The following SPTBN4 variants were observed in gnomAD, a reference collection of about 807,000 sequenced individuals.
SPTBN4 encodes the protein spectrin beta, non-erythrocytic 4.
In SPTBN4, 96 loss-of-function variants were observed where a neutral mutation model predicts 277.8. That is an observed-to-expected ratio of 0.35 (90% CI 0.29 to 0.41). The LOEUF is 0.41. Ranked by LOEUF, SPTBN4 falls within the 10% of genes least tolerant of loss-of-function variation. The pLI, the probability that SPTBN4 is intolerant of heterozygous loss-of-function variation, is 1.00. For synonymous variants in SPTBN4, 1,481 were observed against 1,580.3 expected, an observed-to-expected ratio of 0.94 and a Z score of 1.49; for missense variants, 3,006 against 3,595.7, an observed-to-expected ratio of 0.84 and a Z score of 4.19.
chr19:40,554,805 G>C lies in SPTBN4; in HGVS notation c.5084+159G>C. On this transcript the variant is annotated intron_variant, in intron 24 of 35. Transcript: ENST00000598249. This position sits in a 1 kb window ranked among gnomAD's most constrained non-coding sequence, Gnocchi z 5.7. ...TTTGGCAAGTGGGCGGGCCGGAATG[G>C]GGGGACACGGCTCAGGGATGGTTGA... 1 of 1,119,858 alleles carries C rather than the reference G, an allele frequency of 8.9e-7. No individual in the cohort carries two copies. The highest frequency in any genetic ancestry group is 1.3e-6 in the Non-Finnish European group (1 of 780,428). The allele number at this position is 1,119,858 out of a possible 1,614,324, so 69.4% of individuals were successfully genotyped here. A position where few individuals can be genotyped will look rare whatever the true frequency, so the allele number is the denominator to read the frequency against.
chr19:40,479,792 A>G (rs753096284), intron 2 of SPTBN4, among the ~76,000 whole-genome samples: 15 of 150,746 alleles, frequency 1.0e-4, no homozygotes, highest in Admixed American at 7.3e-4. Context: ...TCTTGTAACC[A>G]GCACCCATAT....
chr19:40,503,181 C>A (rs1015946124), intron 11 of SPTBN4, among the ~76,000 whole-genome samples: 2 of 149,140 alleles, frequency 1.3e-5, no homozygotes, highest in Non-Finnish European at 3.0e-5. Context: ...GGGCAGAATT[C>A]ATCTTTTCAG....
intron 31 of SPTBN4, among the ~76,000 whole-genome samples, chr19:40,569,009 C>A (rs545936363): frequency 6.6e-6 from 1 of 152,224 alleles, no homozygotes; most frequent in African/African-American, 2.4e-5. Flanking sequence ...TTGGGAAAAA[C>A]AGGCTTGTCA....
At chr19:40,538,780 G>A (rs954317919) in intron 20 of SPTBN4, among the ~76,000 whole-genome samples, 1 of 152,104 alleles carries the variant, frequency 6.6e-6, no homozygotes, top group Non-Finnish European at 1.5e-5. Context: ...ATAGAGACGG[G>A]GGCCTCACTG....
At chr19:40,567,060 T>C (rs1257580495) in intron 30 of SPTBN4, 1 of 449,124 alleles carries the variant, frequency 2.2e-6, no homozygotes, top group South Asian at 1.6e-5. Context: ...GGCGGGAGGA[T>C]CACTTGAACC....
In SPTBN4 at chr19:40,570,483, C is replaced by G. The variant is rs761539317; in HGVS notation, c.7074C>G (p.Asn2358Lys). 1.3e-6 allele frequency: 2 copies of G among 1,556,116 alleles called. No individual in the cohort carries two copies. The highest frequency in any genetic ancestry group is 1.7e-6 in the Non-Finnish European group (2 of 1,160,310). The change falls in exon 33 of 36, where the codon AAC (asparagine) becomes AAG (lysine). Residue 2358 changes from asparagine to lysine, a missense_variant. Physicochemically the swap from Asn to Lys is moderately conservative, Grantham distance 94. This residue lies in a region of SPTBN4 where 630 missense variants were observed against 677.6 expected (regional missense o/e 0.93). Transcript: ENST00000598249. ...PRELPPGRLPNGLELPERTPR... is the reference protein window; with the variant it reads ...PRELPPGRLPKGLELPERTPR... Reference sequence around the variant, plus strand: ...AGCTTCCCCCAGGTCGCCTGCCCAACGGGCTTGAGCTGCCCGAGCGGACAC... The same window carrying G: ...AGCTTCCCCCAGGTCGCCTGCCCAAGGGGCTTGAGCTGCCCGAGCGGACAC...
intron 1 of SPTBN4, among the ~76,000 whole-genome samples, chr19:40,467,867 G>A (rs1264790603): frequency 6.6e-6 from 1 of 152,100 alleles, no homozygotes; most frequent in African/African-American, 2.4e-5. Flanking sequence ...AAAGATACTC[G>A]GTTAAAGATA....
chr19:40,571,718 A>G (rs886269522), intron 33 of SPTBN4: 1 of 273,958 alleles, frequency 3.7e-6, no homozygotes, highest in Non-Finnish European at 6.8e-6. Context: ...GGGAGGATTG[A>G]GTGGAGCAAA....
intron 3 of SPTBN4, 106 bp downstream of exon 3, chr19:40,487,954 G>A: frequency 6.8e-6 from 9 of 1,321,738 alleles, no homozygotes; most frequent in Non-Finnish European, 9.0e-6. Flanking sequence ...TGGCTCATGG[G>A]CGAGTGGAAC....
rs965743384 is a variant in SPTBN4, at chr19:40,490,326, C to A, written c.495+78C>A. ...GTTCCCCACCATTTACCCATTCATT[C>A]TTTCCTTCCAATAATATCCTAATAT... On this transcript the variant is annotated intron_variant, in intron 4 of 35. Coordinates refer to ENST00000598249, the MANE Select transcript of SPTBN4 (RefSeq NM_020971.3). This position sits in a 1 kb window ranked among gnomAD's most constrained non-coding sequence, Gnocchi z 4.3. The A allele has an allele frequency of 1.3e-6, 2 of 1,489,898 alleles. No homozygotes were observed. The highest frequency in any genetic ancestry group is 2.2e-5 in the Admixed American group (1 of 44,618). 92.3% of individuals were successfully genotyped at this position (1,489,898 alleles called of 1,614,324 possible). A position where few individuals can be genotyped will look rare whatever the true frequency, so the allele number is the denominator to read the frequency against.
chr19:40,570,947 TG>T (rs2081151079), intron 33 of SPTBN4: 3 of 374,810 alleles, frequency 8.0e-6, no homozygotes, highest in Non-Finnish European at 1.4e-5. Flanking sequence ...CTCCAACCCG[TG>T]GGGGTAGTAG....
intron 15 of SPTBN4, among the ~76,000 whole-genome samples, chr19:40,517,329 G>A (rs931498611): frequency 6.0e-5 from 9 of 148,812 alleles, no homozygotes; most frequent in African/African-American, 1.2e-4. Context: ...TTGCTCTTTC[G>A]CCCAGACTGG....
chr19:40,495,122 T>C, intron 6 of SPTBN4, 145 bp downstream of exon 6: 1 of 729,410 alleles, frequency 1.4e-6, no homozygotes, highest in East Asian at 2.7e-5. Flanking sequence ...ACAGTTTTCT[T>C]TCCCTTCACA....
chr19:40,529,153 G>C, intron 18 of SPTBN4, 22 bp downstream of exon 18: 1 of 1,607,900 alleles, frequency 6.2e-7, no homozygotes, highest in Non-Finnish European at 8.5e-7. Context: ...AGGTGTGCTG[G>C]GGACGGAGAC....
chr19:40,515,359 G>A lies in SPTBN4; in HGVS notation c.2814G>A (p.Leu938=). 1 of 1,610,576 alleles carries A rather than the reference G, an allele frequency of 6.2e-7. No individual in the cohort carries two copies. The highest frequency in any genetic ancestry group is 8.5e-7 in the Non-Finnish European group (1 of 1,178,616). ...QEMNSLMGRV[L]DVNHTVQELV... ...TGAACAGCCTGATGGGCCGCGTTCT[G>A]GACGTGAACCACACAGTCCAGGAGC... The change falls in exon 15 of 36, where the codon CTG becomes CTA. Residue 938 remains leucine, a synonymous_variant. Coordinates refer to ENST00000598249, the MANE Select transcript of SPTBN4 (RefSeq NM_020971.3). This position sits in a 1 kb window ranked among gnomAD's most constrained non-coding sequence, Gnocchi z 4.1.
At position 40,546,751 on chromosome 19, in the gene SPTBN4, A is replaced by G. The variant is rs143215675; in HGVS notation, c.4360-2438A>G. On this transcript the variant is annotated intron_variant, in intron 20 of 35. Coordinates refer to ENST00000598249, the MANE Select transcript of SPTBN4 (RefSeq NM_020971.3). ...TAGCTACTTGGGAGGCTGAGGCAAG[A>G]GGATCCCTTGAGCCCAGGAGTTCAA... Among the ~76,000 whole-genome samples, 1,117 of 152,288 alleles carry G rather than the reference A, an allele frequency of 7.3e-3. 16 individuals are homozygous for G. The highest frequency in any genetic ancestry group is 0.026 in the African/African-American group (1,078 of 41,566).
At chr19:40,543,700 T>C (rs1568366091) in intron 20 of SPTBN4, among the ~76,000 whole-genome samples, 2 of 152,134 alleles carry the variant, frequency 1.3e-5, no homozygotes, top group East Asian at 3.9e-4. Flanking sequence ...TATATTCTTT[T>C]GGGAAAAAAT....
At chr19:40,496,592 C>CT (rs2080199702) in intron 6 of SPTBN4, among the ~76,000 whole-genome samples, 1 of 152,102 alleles carries the variant, frequency 6.6e-6, no homozygotes, top group East Asian at 1.9e-4. Context: ...CTGGCAGGTG[C>CT]TATTATTATC....
Position 40,560,148 on chromosome 19 carries a change from A to T in SPTBN4, c.5671-11A>T, listed in dbSNP as rs1264244826. The T allele has an allele frequency of 3.1e-6, 5 of 1,587,626 alleles. No homozygotes were observed. The East Asian group carries it at 1.1e-4, about 36-fold the overall frequency. ...GTGGAGGGCTGGCGCCCGACCTGGC[A>T]TGCCCTTCAGGTACGGCAGCTGCAG... On this transcript the variant is annotated splice_polypyrimidine_tract_variant and intron_variant, in intron 26 of 35. Transcript: ENST00000598249. The surrounding 1 kb of genome is among the most constrained non-coding windows in gnomAD (Gnocchi z 5.2).
Sources: gnomAD v4.1 joint callset for allele counts (sites outside exome capture counted in the v4.1 genomes callset) on GRCh38, gnomAD v4.1.1 for gene constraint, gnomAD v4.1.1 regional missense constraint, Gnocchi (gnomAD v3.1) non-coding constraint, MANE v1.5 for transcripts, NCBI Gene and HGNC (gene_info 2026-07-23, HGNC 2026-07-21) for gene names.